The following CEP63 variants were observed in gnomAD, a reference collection of about 807,000 sequenced individuals.
The protein encoded by CEP63 is centrosomal protein 63.
In CEP63, 84 loss-of-function variants were observed where a neutral mutation model predicts 89.1. The observed-to-expected ratio is 0.94, with a 90% confidence interval of 0.79 to 1.13. The LOEUF is 1.13. Among genes scored for constraint, CEP63 ranks in the 50% most tolerant of loss-of-function variants. The pLI, the probability that CEP63 is intolerant of heterozygous loss-of-function variation, is 0.00. For synonymous variants in CEP63, 267 were observed against 272.5 expected (o/e 0.98, Z 0.20); for missense variants, 838 against 813.3 (o/e 1.03, Z -0.37).
rs1957381368 is a variant in CEP63, at chr3:134,561,896, C to T, written c.*361C>T. On this transcript the variant is annotated 3_prime_UTR_variant, in exon 15 of 15. Transcript: ENST00000675561. ...GTTGAAAATAAAGTAACTGCAGGAACTTTCTTTAGGGGAAATGTGTAGAAG... is the reference window on the plus strand; with the variant it reads ...GTTGAAAATAAAGTAACTGCAGGAATTTTCTTTAGGGGAAATGTGTAGAAG... The T allele has an allele frequency of 6.6e-6, 7 of 1,067,806 alleles. No homozygotes were observed. Among genetic ancestry groups the T allele is most frequent in the Non-Finnish European group, 8.0e-6 (7 of 879,350 alleles). 66.1% of individuals were successfully genotyped at this position (1,067,806 alleles called of 1,614,324 possible).
intron 7 of CEP63, 130 bp from the exon 8 acceptor site, chr3:134,546,019 T>G: frequency 9.7e-7 from 1 of 1,035,006 alleles, no homozygotes; most frequent in Non-Finnish European, 1.4e-6. Context: ...TAACTTATAG[T>G]CTGACTTCCT....
chr3:134,561,153 G>T (rs1244150344), intron 14 of CEP63, among the ~76,000 whole-genome samples: 1 of 152,138 alleles, frequency 6.6e-6, no homozygotes, highest in East Asian at 1.9e-4. Context: ...ACTTTACATT[G>T]TTACAATTTG....
chr3:134,540,291 C>G (rs983235862), intron 6 of CEP63, among the ~76,000 whole-genome samples: 3 of 152,140 alleles, frequency 2.0e-5, no homozygotes, highest in African/African-American at 7.2e-5. Context: ...GAATTCCCCC[C>G]TATCGTTAAA....
downstream of CEP63, among the ~76,000 whole-genome samples, chr3:134,566,875 T>C (rs1397159999): frequency 6.6e-6 from 1 of 152,182 alleles, no homozygotes; most frequent in African/African-American, 2.4e-5. Context: ...TGGCAGTTCC[T>C]CAAAAAGAGT....
At chr3:134,696,335 G>A in the CEP63 span, among the ~76,000 whole-genome samples, 1 of 152,146 alleles carries the variant, frequency 6.6e-6, no homozygotes. Flanking sequence ...TCACTCACAT[G>A]GTGTCACCAG....
chr3:134,557,351 C>G (rs949803840), intron 12 of CEP63, among the ~76,000 whole-genome samples: 2 of 113,518 alleles, frequency 1.8e-5, no homozygotes, highest in Non-Finnish European at 3.4e-5. Context: ...TCAGACCACT[C>G]TTGACCAGCT....
chr3:134,710,217 C>A, the CEP63 span, among the ~76,000 whole-genome samples: 3 of 152,156 alleles, frequency 2.0e-5, no homozygotes, highest in Non-Finnish European at 4.4e-5. Context: ...CACAACGGGT[C>A]GGCTGCTGGA....
the CEP63 span, among the ~76,000 whole-genome samples, chr3:134,721,725 T>C: frequency 6.7e-6 from 1 of 148,962 alleles, no homozygotes; most frequent in Admixed American, 6.7e-5. Flanking sequence ...TTTATTGAAA[T>C]AATCTGATGC....
chr3:134,781,883 CTCTTT>C, the CEP63 span, among the ~76,000 whole-genome samples: 3 of 152,130 alleles, frequency 2.0e-5, no homozygotes, highest in Non-Finnish European at 2.9e-5. Flanking sequence ...TTTTTCATCT[CTCTTT>C]TATGTCTTAC....
chr3:134,544,638 G>GGGT (rs1952816987), intron 6 of CEP63, among the ~76,000 whole-genome samples: 1 of 149,764 alleles, frequency 6.7e-6, no homozygotes, highest in Non-Finnish European at 1.5e-5. Flanking sequence ...GCTCTAGGTG[G>GGGT]GGGGGGGAAT....
chr3:134,497,900 G>T (rs1160649653), intron 2 of CEP63, among the ~76,000 whole-genome samples: 1 of 152,052 alleles, frequency 6.6e-6, no homozygotes, highest in African/African-American at 2.4e-5. Context: ...CAATTTCTGG[G>T]TTGTCTATTC....
chr3:134,544,043 C>T (rs575386505), intron 6 of CEP63, among the ~76,000 whole-genome samples: 1 of 151,932 alleles, frequency 6.6e-6, no homozygotes, highest in East Asian at 1.9e-4. Flanking sequence ...TCACCTCTCT[C>T]CTACCCTCTC....
intron 3 of CEP63, 84 bp from the exon 4 acceptor site, chr3:134,531,760 TA>T (rs2109045541): frequency 9.8e-7 from 1 of 1,018,638 alleles, no homozygotes; most frequent in East Asian, 2.5e-5. Flanking sequence ...TACAAATAAA[TA>T]CAGAGATTAT....
upstream of CEP63, chr3:134,485,969 G>A (rs948115819): frequency 2.1e-5 from 20 of 971,736 alleles, no homozygotes; most frequent in African/African-American, 3.0e-4. Context: ...CGGCCACCGC[G>A]GCAGACGCTT....
chr3:134,568,599 G>A (rs1957883441), downstream of CEP63, among the ~76,000 whole-genome samples: 1 of 152,188 alleles, frequency 6.6e-6, no homozygotes, highest in East Asian at 1.9e-4. Context: ...CAAAGGACAG[G>A]AAAGGTTCCA....
At chr3:134,546,762 A>C (rs1953437408) in intron 8 of CEP63, among the ~76,000 whole-genome samples, 1 of 152,150 alleles carries the variant, frequency 6.6e-6, no homozygotes, top group Non-Finnish European at 1.5e-5. Context: ...GTGTTATAAA[A>C]TTTTGTGTGG....
chr3:134,650,500 C>T, the CEP63 span, among the ~76,000 whole-genome samples: 1 of 152,224 alleles, frequency 6.6e-6, no homozygotes, highest in East Asian at 1.9e-4. Context: ...CTCTGGCCGC[C>T]TTCCTCCAGG....
the CEP63 span, among the ~76,000 whole-genome samples, chr3:134,764,524 C>T: frequency 6.6e-6 from 1 of 152,170 alleles, no homozygotes; most frequent in Non-Finnish European, 1.5e-5. Flanking sequence ...GCATTTGCCT[C>T]TCACACCCAG....
intron 3 of CEP63, among the ~76,000 whole-genome samples, chr3:134,515,889 A>G (rs1576960979): frequency 6.6e-6 from 1 of 152,180 alleles, no homozygotes. Context: ...GTATTGGGCC[A>G]CATATGGCCT....
Sources: allele counts gnomAD v4.1 joint callset (sites outside exome capture counted in the v4.1 genomes callset), GRCh38; gene constraint gnomAD v4.1.1; transcripts MANE v1.5; gene names NCBI Gene and HGNC (gene_info 2026-07-23, HGNC 2026-07-21).